ENKUR: variants seen among roughly 807,000 people sequenced by gnomAD.
ENKUR encodes the protein enkurin, TRPC channel interacting protein, also known as enkurin.
ENKUR carries 19 observed loss-of-function variants against 27.6 expected under a neutral mutation model. The observed-to-expected ratio is 0.69, with a 90% CI of 0.48 to 1.01. The LOEUF (loss-of-function observed/expected upper bound fraction) is 1.01. ENKUR is among the 50% of genes least tolerant of loss of function. The pLI is 0.00. For missense variants in ENKUR, 312 were observed against 310.5 expected, an observed-to-expected ratio of 1.00 and a Z score of -0.04; for synonymous variants, 117 against 96.9, an observed-to-expected ratio of 1.21 and a Z score of -1.22.
chr10:25,057,580 GA>G (rs1851275796), intron 2 of ENKUR, among the ~76,000 whole-genome samples: 2 of 152,100 alleles, frequency 1.3e-5, no homozygotes, highest in Admixed American at 1.3e-4. Context: ...CTAGGTTCTG[GA>G]AAAGTCAGTA....
rs569717198 is a variant in ENKUR, at chr10:25,037,689, A to G, written c.37+23423T>C. Reference sequence around the variant, plus strand: ...CTCTTCTTTCCTTTTGTCTTTCCTTATCATTTCCTTAAAATGACCTCCTAG... The same window carrying G: ...CTCTTCTTTCCTTTTGTCTTTCCTTGTCATTTCCTTAAAATGACCTCCTAG... On this transcript the variant is annotated intron_variant, in intron 2 of 5. Transcript: ENST00000615958. Among the ~76,000 whole-genome samples the G allele has an allele frequency of 2.7e-4, 41 of 152,160 alleles. 1 individual carries two copies. The South Asian group carries it at 8.5e-3, about 32-fold the overall frequency.
At chr10:24,986,660 G>A (rs1326848418) in intron 4 of ENKUR, among the ~76,000 whole-genome samples, 1 of 152,104 alleles carries the variant, frequency 6.6e-6, no homozygotes, top group African/African-American at 2.4e-5. Context: ...AGCAGCTACA[G>A]TTTTTCTCTG....
At chr10:25,061,466 T>G in intron 1 of ENKUR, 1 of 291,912 alleles carries the variant, frequency 3.4e-6, no homozygotes, top group Non-Finnish European at 6.3e-6. Flanking sequence ...CTGAGCCTAC[T>G]GTTCTCCCCC....
chr10:25,039,571 C>A (rs1429097822), intron 2 of ENKUR, among the ~76,000 whole-genome samples: 1 of 152,004 alleles, frequency 6.6e-6, no homozygotes, highest in African/African-American at 2.4e-5. Context: ...CAGAGTGAGA[C>A]CCTTGTTTCA....
At chr10:25,036,056 G>A (rs548022843) in intron 2 of ENKUR, among the ~76,000 whole-genome samples, 6 of 152,216 alleles carry the variant, frequency 3.9e-5, no homozygotes, top group African/African-American at 1.2e-4. Flanking sequence ...CTATAATCAG[G>A]ACCAGACAGA....
upstream of ENKUR, among the ~76,000 whole-genome samples, chr10:25,019,732 A>G (rs997555640): frequency 6.6e-6 from 1 of 152,330 alleles, no homozygotes; most frequent in African/African-American, 2.4e-5. Context: ...ATCCCTCTCA[A>G]TGCTTAATCC....
chr10:24,988,718 A>ATATG (rs1849855444), intron 4 of ENKUR, among the ~76,000 whole-genome samples: 32 of 47,706 alleles, frequency 6.7e-4, no homozygotes, highest in African/African-American at 3.1e-3. Context: ...ATATATATAT[A>ATATG]TATATATATT....
intron 2 of ENKUR, among the ~76,000 whole-genome samples, chr10:25,056,356 A>G (rs1027894177): frequency 2.0e-5 from 3 of 152,232 alleles, no homozygotes; most frequent in African/African-American, 7.2e-5. Context: ...AATCAATTCC[A>G]ATGCAGGTCA....
chr10:25,055,464 T>C (rs980161117), intron 2 of ENKUR, among the ~76,000 whole-genome samples: 6 of 148,028 alleles, frequency 4.1e-5, no homozygotes, highest in Non-Finnish European at 7.4e-5. Context: ...TTCCCAAACA[T>C]GCCAAGTTGC....
chr10:25,050,942 T>C (rs762072326), intron 2 of ENKUR, among the ~76,000 whole-genome samples: 2 of 152,238 alleles, frequency 1.3e-5, no homozygotes, highest in Non-Finnish European at 2.9e-5. Flanking sequence ...TTTGTGCTGA[T>C]GAAATGTGGT....
At position 25,047,186 on chromosome 10, in the gene ENKUR, G is replaced by T. The variant is rs565991571; in HGVS notation, c.37+13926C>A. Among the ~76,000 whole-genome samples, 52 of 152,208 alleles carry T rather than the reference G, an allele frequency of 3.4e-4. 1 individual carries two copies. In the South Asian group the frequency reaches 0.011, roughly 31 times the overall value. On this transcript the variant is annotated intron_variant, in intron 2 of 5. Transcript: ENST00000615958. ...TTCAAACTCTCAAGGTTTGTTCAGGGATGCTAATTACTCCCTTCAATTTTT... is the reference window on the plus strand; with the variant it reads ...TTCAAACTCTCAAGGTTTGTTCAGGTATGCTAATTACTCCCTTCAATTTTT...
intron 2 of ENKUR, among the ~76,000 whole-genome samples, chr10:24,998,045 T>C (rs775564833): frequency 2.0e-5 from 3 of 152,176 alleles, no homozygotes; most frequent in Non-Finnish European, 4.4e-5. Flanking sequence ...GAATGTTGTA[T>C]TTCCACACTT....
chr10:25,029,797 C>G (rs1850913908), intron 2 of ENKUR, among the ~76,000 whole-genome samples: 1 of 152,132 alleles, frequency 6.6e-6, no homozygotes, highest in Non-Finnish European at 1.5e-5. Flanking sequence ...AGAAAGTTGC[C>G]AATGTCATGG....
chr10:25,049,741 TCATGCCACTG>T lies in ENKUR; in HGVS notation c.37+11361_37+11370del, dbSNP rs567169423. The stretch of plus-strand genomic sequence containing the variant: ...AAGCGGATGTTGCAGTGAGTCGAGA[TCATGCCACTG>T]CACTCCAGCCTGACAGAGTGAGACT... On this transcript the variant is annotated intron_variant, in intron 2 of 5. Coordinates refer to the ENKUR transcript ENST00000615958. Among the ~76,000 whole-genome samples the T allele has an allele frequency of 5.4e-3, 718 of 132,746 alleles. 5 individuals are homozygous for T. Among genetic ancestry groups the T allele is most frequent in the African/African-American group, 0.021 (678 of 32,706 alleles). The allele number at this position is 132,746 out of a possible 152,430, so 87.1% of individuals were successfully genotyped here.
Position 24,982,305 on chromosome 10 carries a change from C to T in ENKUR, c.*2065G>A, listed in dbSNP as rs1227931360. ...AGGGCAGTTTTCTGGGTGGAGGGAA[C>T]CATGTGTGCAGATCTCAGAGGTCTC... On this transcript the variant is annotated 3_prime_UTR_variant, in exon 6 of 6. Transcript: ENST00000331161. The T allele has an allele frequency of 6.6e-6, 1 of 152,090 alleles. No homozygotes were observed. Among genetic ancestry groups the T allele is most frequent in the African/African-American group, 2.4e-5 (1 of 41,388 alleles). The allele number at this position is 152,090 out of a possible 1,614,324, so 9.4% of individuals were successfully genotyped here.
rs528313815 is a variant in ENKUR, at chr10:25,025,431, A to G, written c.38-29562T>C. 93 of 1,606,556 alleles carry G rather than the reference A, an allele frequency of 5.8e-5. 1 individual carries two copies. The East Asian group carries it at 1.8e-3, about 31-fold the overall frequency. On this transcript the variant is annotated intron_variant, in intron 2 of 5. Transcript: ENST00000615958. Reference sequence around the variant, plus strand: ...ATGTCTTGAAGAGTCATGTGGAACAACTTGTCCAAAATCAATTCATATGAA... The same window carrying G: ...ATGTCTTGAAGAGTCATGTGGAACAGCTTGTCCAAAATCAATTCATATGAA...
At chr10:24,988,899 A>G (rs925690332) in intron 4 of ENKUR, among the ~76,000 whole-genome samples, 1 of 151,770 alleles carries the variant, frequency 6.6e-6, no homozygotes, top group African/African-American at 2.4e-5. Flanking sequence ...AGTGTGGCTC[A>G]GGGCTCGTCA....
chr10:25,031,461 A>G (rs555942134), intron 2 of ENKUR, among the ~76,000 whole-genome samples: 2 of 152,200 alleles, frequency 1.3e-5, no homozygotes, highest in Non-Finnish European at 2.9e-5. Flanking sequence ...GAGTGTAGCA[A>G]AAGAGCAGAA....
chr10:25,058,393 T>C (rs1469437982), intron 2 of ENKUR, among the ~76,000 whole-genome samples: 1 of 152,026 alleles, frequency 6.6e-6, no homozygotes, highest in East Asian at 1.9e-4. Flanking sequence ...TTTCTGTAGA[T>C]ATGGGGGTCT....
Sources: gnomAD v4.1 joint callset for allele counts (sites outside exome capture counted in the v4.1 genomes callset) on GRCh38, gnomAD v4.1.1 for gene constraint, MANE v1.5 for transcripts, NCBI Gene and HGNC (gene_info 2026-07-23, HGNC 2026-07-21) for gene names.